Variants in FBXL6 observed in about 807,000 individuals in gnomAD.
FBXL6 encodes the protein F-box/LRR-repeat protein 6.
FBXL6 carries 50 observed loss-of-function variants against 53.3 expected under a neutral mutation model. That is an observed-to-expected ratio of 0.94 (90% CI 0.75 to 1.19). FBXL6 has a LOEUF of 1.19. FBXL6 is among the 50% of genes most tolerant of loss of function. The pLI is 0.00. For synonymous variants in FBXL6, 405 were observed against 322.9 expected (o/e 1.25, Z -2.73); for missense variants, 815 against 719.0 (o/e 1.13, Z -1.53).
In FBXL6 at chr8:144,356,233, G is replaced by C; in HGVS notation, c.1226-19C>G. On this transcript the variant is annotated intron_variant, in intron 7 of 8. Coordinates refer to ENST00000331890, the MANE Select transcript of FBXL6 (RefSeq NM_012162.4). The stretch of plus-strand genomic sequence containing the variant: ...TCCAGCTCTGCAGTGAAAGGAGTGA[G>C]CATAAGCTACAAGGTGACAAGGGCC... 6.2e-7 allele frequency: 1 copy of C among 1,611,538 alleles called. No homozygotes were observed. The highest frequency in any genetic ancestry group is 8.5e-7 in the Non-Finnish European group (1 of 1,179,988).
Position 144,357,764 on chromosome 8 carries a change from A to T in FBXL6, c.439T>A (p.Trp147Arg). 3.1e-6 allele frequency: 5 copies of T among 1,588,870 alleles called. No homozygotes were observed. Among genetic ancestry groups the T allele is most frequent in the Non-Finnish European group, 4.3e-6 (5 of 1,170,446 alleles). ...LGRAARVCRR[W>R]QEAASQPALW... ...GCGGGTTGGGAAGCGGCCTCCTGCC[A>T]GCGGCGGCACACGCGCGCAGCCCTG... Residue 147 changes from tryptophan to arginine, a missense_variant, in exon 2 of 9, where the codon TGG becomes AGG. Physicochemically the swap from Trp to Arg is moderately radical, Grantham distance 101. Transcript: ENST00000331890.
At chr8:144,357,890 A>G (rs967961452) in intron 1 of FBXL6, 104 bp from the exon 2 acceptor site, 17 of 1,438,874 alleles carry the variant, frequency 1.2e-5, no homozygotes, top group East Asian at 2.5e-5. Context: ...TGGGACTCCA[A>G]CTGGGCGCCT....
rs574776872 is a variant in FBXL6 at position 144,358,038 on chromosome 8, A to G, written c.410T>C (p.Leu137Pro). The G allele has an allele frequency of 6.3e-6, 10 of 1,594,072 alleles. No homozygotes were observed. In the African/African-American group the frequency reaches 1.1e-4, roughly 18 times the overall value. Residue 137 changes from leucine (L) to proline (P), a missense_variant, in exon 1 of 9, where the codon CTG (leucine) becomes CCG (proline). Physicochemically the swap from Leu to Pro is moderately conservative, Grantham distance 98. Transcript: ENST00000331890. ...GGCCCGGCACCAGCGTTACCTGCCC[A>G]GGAAGGGCATGGGGCCGTCCGCCGC... ...LVAADGPMPF[L>P]GRAARVCRRW...
rs1554853186 is a variant in FBXL6 at position 144,357,642 on chromosome 8, C to T, written c.561G>A (p.Trp187Ter). 1 of 1,609,706 alleles carries T rather than the reference C, an allele frequency of 6.2e-7. No homozygotes were observed. The highest frequency in any genetic ancestry group is 8.5e-7 in the Non-Finnish European group (1 of 1,177,856). ...GAACCCCTCACCGATTGGGCATAAG[C>T]CACTCCAGGGAAGCAAGGAGCTTCT... ...AEKKLLASLEWLMPNRFSQLQ... is the reference protein window; with the variant it reads ...AEKKLLASLE The change falls in exon 2 of 9, where the codon TGG becomes TGA. Residue 187 changes from tryptophan to a stop codon, truncating the protein, a stop_gained. Transcript: ENST00000331890. LOFTEE classifies it high-confidence loss of function.
intron 1 of FBXL6, 49 bp downstream of exon 1, chr8:144,357,983 G>A: frequency 2.6e-6 from 4 of 1,557,954 alleles, no homozygotes; most frequent in South Asian, 2.3e-5. Context: ...CTCGGACCAC[G>A]TCTGGCCCAA....
Position 144,358,406 on chromosome 8 carries a change from C to T in FBXL6, c.42G>A (p.Arg14=), listed in dbSNP as rs896214929. 51 of 1,249,078 alleles carry T rather than the reference C, an allele frequency of 4.1e-5. No individual in the cohort carries two copies. The highest frequency in any genetic ancestry group is 4.7e-5 in the Non-Finnish European group (47 of 997,498). 77.4% of individuals were successfully genotyped at this position (1,249,078 alleles called of 1,614,324 possible). Residue 14 remains arginine (R), a synonymous_variant, in exon 1 of 9, where the codon CGG becomes CGA. Coordinates refer to ENST00000331890, the MANE Select transcript of FBXL6 (RefSeq NM_012162.4). ...CGGCCGAGCGGGGCCGCGGCGCTGCCCGGGCTCTGCGTCGGACCTGCCGGG... is the reference window on the plus strand; with the variant it reads ...CGGCCGAGCGGGGCCGCGGCGCTGCTCGGGCTCTGCGTCGGACCTGCCGGG... ...PASRQVRRRA[R]AAPRPRSAED... is the part of the protein sequence containing the mutation.
chr8:144,356,399 G>A lies in FBXL6; in HGVS notation c.1126C>T (p.Leu376=). ...STCNFVSNEV[L]GRLLHGSPNL... is the part of the protein sequence containing the mutation. Reference sequence around the variant, plus strand: ...GGAGAGCCGTGGAGTAGGCGGCCCAGGACCTCGTTGCTCACAAAGTTGCAG... The same window carrying A: ...GGAGAGCCGTGGAGTAGGCGGCCCAAGACCTCGTTGCTCACAAAGTTGCAG... Residue 376 remains leucine (L), a synonymous_variant, in exon 7 of 9, where the codon CTG becomes TTG. Coordinates refer to ENST00000331890, the MANE Select transcript of FBXL6 (RefSeq NM_012162.4). The A allele has an allele frequency of 6.2e-7, 1 of 1,611,940 alleles. No homozygotes were observed. The highest frequency in any genetic ancestry group is 1.1e-5 in the South Asian group (1 of 91,092).
In FBXL6 at chr8:144,358,181, C is replaced by T. The variant is rs1460081905; in HGVS notation, c.267G>A (p.Ala89=). The T allele has an allele frequency of 3.5e-6, 5 of 1,439,882 alleles. No individual in the cohort carries two copies. Among genetic ancestry groups the T allele is most frequent in the Non-Finnish European group, 2.7e-6 (3 of 1,103,106 alleles). 89.2% of individuals were successfully genotyped at this position (1,439,882 alleles called of 1,614,324 possible). The part of the protein sequence containing the change: ...AKPKAGLRSE[A]AAAPAPAPAP... ...CCGGTGCGGGTGCGGGCGCGGCCGC[C>T]GCCTCGGACCTGAGCCCGGCCTTGG... is the stretch of plus-strand genomic sequence containing the variant. The change falls in exon 1 of 9, where the codon GCG becomes GCA. Residue 89 remains alanine (A), a synonymous_variant. Transcript: ENST00000331890.
Position 144,356,632 on chromosome 8 carries a change from C to G in FBXL6, c.961G>C (p.Glu321Gln), listed in dbSNP as rs782141205. ...TGAGGGCAGCCTTTCTGCAGAGCCTCGACAGGCAGCTGAAGGGGAATGCTA... is the reference window on the plus strand; with the variant it reads ...TGAGGGCAGCCTTTCTGCAGAGCCTGGACAGGCAGCTGAAGGGGAATGCTA... ...RNSIPLQLPV[E>Q]ALQKGCPQLQ... Residue 321 changes from glutamate (E) to glutamine (Q), a missense_variant, in exon 6 of 9, where the codon GAG (glutamate) becomes CAG (glutamine). Glu to Gln is a conservative substitution (Grantham distance 29). Transcript: ENST00000331890. 2 of 1,612,930 alleles carry G rather than the reference C, an allele frequency of 1.2e-6. No homozygotes were observed. The highest frequency in any genetic ancestry group is 1.7e-6 in the Non-Finnish European group (2 of 1,179,972).
chr8:144,358,331 C>CA lies in FBXL6; in HGVS notation c.116dup (p.Leu40AlafsTer178), dbSNP rs1818569493. On this transcript the variant is annotated frameshift_variant, in exon 1 of 9. Transcript: ENST00000331890. LOFTEE classifies it high-confidence loss of function. The stretch of plus-strand genomic sequence containing the variant: ...CCAGCAGCATGCTGTCGGACTGCAG[C>CA]AGGTGGTACCCCGAGCCCCTCGGCG... 7.9e-7 allele frequency: 1 copy of CA among 1,267,510 alleles called. No individual in the cohort carries two copies. The allele number at this position is 1,267,510 out of a possible 1,614,324, so 78.5% of individuals were successfully genotyped here.
In FBXL6 at chr8:144,355,998, CT is replaced by C; in HGVS notation, c.1441del (p.Arg481GlyfsTer13). On this transcript the variant is annotated frameshift_variant, in exon 8 of 9. Transcript: ENST00000331890. LOFTEE classifies it high-confidence loss of function. Reference protein sequence around the residue: ...SHPALCSLNLRGTRVTPSTVS... With the variant: ...SHPALCSLNLXGTRVTPSTVS... ...AGTGCTTGGTGTGACCCGGGTGCCC[CT>C]GAGGTTAAGAGAGCACAGGGCTGGG... The C allele has an allele frequency of 6.2e-7, 1 of 1,613,024 alleles. No individual in the cohort carries two copies. The highest frequency in any genetic ancestry group is 1.7e-4 in the Middle Eastern group (1 of 6,034).
rs781957209 is a variant in FBXL6, at chr8:144,358,144, TGGGCGTGGGTGCCGGTGCGGGTGC to T, written c.280_303del (p.Ala94_Pro101del). 6 of 1,551,658 alleles carry T rather than the reference TGGGCGTGGGTGCCGGTGCGGGTGC, an allele frequency of 3.9e-6. No homozygotes were observed. Among genetic ancestry groups the T allele is most frequent in the East Asian group, 5.2e-5 (2 of 38,260 alleles). ...CCCGCGTCGGGCCCTTCCTCGGGCG[TGGGCGTGGGTGCCGGTGCGGGTGC>T]GGGCGCGGCCGCCGCCTCGGACCTG... On this transcript the variant is annotated inframe_deletion, in exon 1 of 9. Coordinates refer to ENST00000331890, the MANE Select transcript of FBXL6 (RefSeq NM_012162.4).
rs782125369 is a variant in FBXL6, at chr8:144,356,118, G to A, written c.1322C>T (p.Thr441Ile). ...GCCACTCAAGTCCAGTTCTCGCAGTGTATGGCACCACTTCTGGGTCAAAAA... is the reference window on the plus strand; with the variant it reads ...GCCACTCAAGTCCAGTTCTCGCAGTATATGGCACCACTTCTGGGTCAAAAA... ...SPFLTQKWCHTLRELDLSGQG... is the reference protein window; with the variant it reads ...SPFLTQKWCHILRELDLSGQG... The change falls in exon 8 of 9, where the codon ACA becomes ATA. Residue 441 changes from threonine (T) to isoleucine (I), a missense_variant. By Grantham distance (89) the Thr-to-Ile change is moderately conservative. Transcript: ENST00000331890. The A allele has an allele frequency of 3.7e-6, 6 of 1,613,016 alleles. No individual in the cohort carries two copies. The highest frequency in any genetic ancestry group is 2.2e-5 in the East Asian group (1 of 44,890).
rs781933763 is a variant in FBXL6, at chr8:144,355,669, G to C, written c.1482C>G (p.Ile494Met). ...GGTAGAGCAGGCCCGGGCAGCCGCT[G>C]ATCACAGAGCTGTGGGGAGGGCAGA... ...RVTPSTVSSV[I>M]SGCPGLLYLN... The change falls in exon 9 of 9, where the codon ATC becomes ATG. Residue 494 changes from isoleucine (I) to methionine (M), a missense_variant. By Grantham distance (10) the Ile-to-Met change is conservative. Coordinates refer to ENST00000331890, the MANE Select transcript of FBXL6 (RefSeq NM_012162.4). The C allele has an allele frequency of 6.2e-7, 1 of 1,610,684 alleles. No homozygotes were observed. The highest frequency in any genetic ancestry group is 1.1e-5 in the South Asian group (1 of 90,966).
intron 2 of FBXL6, 34 bp from the exon 3 acceptor site, chr8:144,357,536 G>A (rs2130619399): frequency 6.2e-7 from 1 of 1,613,002 alleles, no homozygotes. Flanking sequence ...CTGCACTAAT[G>A]TTCCCACACG....
chr8:144,355,796 C>A, intron 8 of FBXL6, 118 bp from the exon 9 acceptor site: 1 of 1,523,876 alleles, frequency 6.6e-7, no homozygotes, highest in South Asian at 1.2e-5. Flanking sequence ...GCCACCAAGG[C>A]CAAGCCCAGT....
chr8:144,358,471 G>A lies in FBXL6; in HGVS notation c.-24C>T, dbSNP rs974762470. 9.7e-6 allele frequency: 12 copies of A among 1,234,274 alleles called. No individual in the cohort carries two copies. The highest frequency in any genetic ancestry group is 4.1e-5 in the Admixed American group (1 of 24,136). The allele number at this position is 1,234,274 out of a possible 1,614,324, so 76.5% of individuals were successfully genotyped here. On this transcript the variant is annotated 5_prime_UTR_variant, in exon 1 of 9. Transcript: ENST00000331890. ...ATGACCACCGACGGCGCTCGGGGAAGCCCCAGGGAGCGGAACGGGCGAGGC... is the reference window on the plus strand; with the variant it reads ...ATGACCACCGACGGCGCTCGGGGAAACCCCAGGGAGCGGAACGGGCGAGGC...
chr8:144,355,773 T>C, intron 8 of FBXL6, 95 bp from the exon 9 acceptor site: 1 of 1,546,250 alleles, frequency 6.5e-7, no homozygotes, highest in Non-Finnish European at 8.8e-7. Flanking sequence ...GACACCTGGC[T>C]CTGCCACCCA....
chr8:144,358,437 G>A lies in FBXL6; in HGVS notation c.11C>T (p.Pro4Leu). Reference sequence around the variant, plus strand: ...TCTGCGTCGGACCTGCCGGGAGGCTGGGGCAGCCATGACCACCGACGGCGC... The same window carrying A: ...TCTGCGTCGGACCTGCCGGGAGGCTAGGGCAGCCATGACCACCGACGGCGC... MAA[P>L]ASRQVRRRAR... The change falls in exon 1 of 9, where the codon CCA (proline) becomes CTA (leucine). Residue 4 changes from proline to leucine, a missense_variant. Pro to Leu is a moderately conservative substitution (Grantham distance 98). Coordinates refer to ENST00000331890, the MANE Select transcript of FBXL6 (RefSeq NM_012162.4). 8.0e-7 allele frequency: 1 copy of A among 1,243,318 alleles called. No individual in the cohort carries two copies. Among genetic ancestry groups the A allele is most frequent in the Non-Finnish European group, 1.0e-6 (1 of 994,052 alleles). The allele number at this position is 1,243,318 out of a possible 1,614,324, so 77.0% of individuals were successfully genotyped here.
Sources: allele counts gnomAD v4.1 joint callset, GRCh38; gene constraint gnomAD v4.1.1; transcripts MANE v1.5; gene names NCBI Gene and HGNC (gene_info 2026-07-23, HGNC 2026-07-21).